The following HNRNPM variants were observed in gnomAD, a reference collection of about 807,000 sequenced individuals.
HNRNPM encodes heterogeneous nuclear ribonucleoprotein M.
HNRNPM carries 11 observed loss-of-function variants against 73.1 expected under a neutral mutation model. The observed-to-expected ratio is 0.15, with a 90% confidence interval of 0.09 to 0.25. The LOEUF (loss-of-function observed/expected upper bound fraction) is 0.25. HNRNPM is among the 10% of genes least tolerant of loss of function. The pLI is 1.00. For missense variants in HNRNPM, 789 were observed against 1,067.9 expected (o/e 0.74, Z 3.64); for synonymous variants, 407 against 355.2 (o/e 1.15, Z -1.64).
chr19:8,468,029 GAAA>G (rs144109185), intron 8 of HNRNPM, among the ~76,000 whole-genome samples: 1 of 150,260 alleles, frequency 6.7e-6, no homozygotes, highest in Non-Finnish European at 1.5e-5. Context: ...TCTGTCTCAA[GAAA>G]AAAAAAGAAG....
chr19:8,484,440 T>G (rs1745514652), intron 13 of HNRNPM, among the ~76,000 whole-genome samples: 1 of 152,222 alleles, frequency 6.6e-6, no homozygotes, highest in African/African-American at 2.4e-5. Flanking sequence ...CCCAAAGTAC[T>G]GGGATTACAG....
intron 6 of HNRNPM, 56 bp from the exon 7 acceptor site, chr19:8,466,179 G>A: frequency 6.6e-7 from 1 of 1,515,734 alleles, no homozygotes; most frequent in Non-Finnish European, 9.0e-7. Context: ...TAGTAAAAAT[G>A]TTGTGTTTCT....
chr19:8,488,391 T>C (rs983027873), intron 15 of HNRNPM: 1 of 291,758 alleles, frequency 3.4e-6, no homozygotes, highest in African/African-American at 2.1e-5. Context: ...ATGAAGACTT[T>C]GTAAAATGTA....
intron 2 of HNRNPM, among the ~76,000 whole-genome samples, chr19:8,456,762 G>A (rs1969055879): frequency 1.3e-5 from 2 of 152,122 alleles, no homozygotes; most frequent in South Asian, 4.1e-4. Context: ...GTACAGTCAC[G>A]CGTGCTGCTC....
At chr19:8,459,915 A>G (rs1181647736) in intron 2 of HNRNPM, among the ~76,000 whole-genome samples, 6 of 152,196 alleles carry the variant, frequency 3.9e-5, no homozygotes, top group Admixed American at 3.9e-4. Context: ...TTAATGTCTT[A>G]GTTTTTTCAA....
chr19:8,450,800 C>T (rs1302905419), intron 1 of HNRNPM, among the ~76,000 whole-genome samples: 1 of 151,396 alleles, frequency 6.6e-6, no homozygotes, highest in Non-Finnish European at 1.5e-5. Context: ...TCTCACTTCA[C>T]TGCAACCTCC....
chr19:8,484,397 G>C (rs946523162), intron 13 of HNRNPM, among the ~76,000 whole-genome samples: 2 of 151,938 alleles, frequency 1.3e-5, no homozygotes, highest in Non-Finnish European at 2.9e-5. Flanking sequence ...GGCTGGTCGC[G>C]AACTCCTGAC....
chr19:8,470,113 G>T (rs543809996), intron 9 of HNRNPM, among the ~76,000 whole-genome samples: 19 of 152,202 alleles, frequency 1.2e-4, no homozygotes, highest in Non-Finnish European at 2.8e-4. Context: ...ACTGCTCCAG[G>T]GAGCCTGTTA....
At chr19:8,454,819 T>A (rs920252478) in intron 1 of HNRNPM, among the ~76,000 whole-genome samples, 2 of 152,114 alleles carry the variant, frequency 1.3e-5, no homozygotes, top group South Asian at 4.1e-4. Context: ...GTCTTGGAAT[T>A]AACACACCTT....
intron 13 of HNRNPM, 87 bp from the exon 14 acceptor site, chr19:8,485,516 T>C (rs1486411090): frequency 3.1e-6 from 4 of 1,307,184 alleles, no homozygotes; most frequent in Non-Finnish European, 4.3e-6. Context: ...CCCTGATCCA[T>C]GCCCATGAGC....
chr19:8,464,445 C>A lies in HNRNPM; in HGVS notation c.438+759C>A, dbSNP rs149843736. On this transcript the variant is annotated intron_variant, in intron 5 of 15. Coordinates refer to ENST00000325495, the MANE Select transcript of HNRNPM (RefSeq NM_005968.5). ...GGTCATGAGTTCAAGACCAGCTTGA[C>A]CAACATGGTGAAACCCTGTCTACTA... is the stretch of plus-strand genomic sequence containing the variant. 3.7e-3 allele frequency among the ~76,000 whole-genome samples: 556 copies of A among 151,968 alleles called. 2 individuals carry two copies. Among genetic ancestry groups the A allele is most frequent in the Non-Finnish European group, 6.1e-3 (412 of 67,972 alleles).
chr19:8,467,875 A>G (rs1969863375), intron 8 of HNRNPM, among the ~76,000 whole-genome samples: 1 of 151,990 alleles, frequency 6.6e-6, no homozygotes, highest in Admixed American at 6.6e-5. Context: ...TAAAAATACA[A>G]AAATTAGCCG....
chr19:8,470,225 A>G (rs1302326885), intron 9 of HNRNPM, among the ~76,000 whole-genome samples: 1 of 152,226 alleles, frequency 6.6e-6, no homozygotes, highest in Non-Finnish European at 1.5e-5. Context: ...TGCTGTTGCT[A>G]TGCAATTAAA....
At chr19:8,467,400 T>C (rs948150543) in intron 7 of HNRNPM, 135 bp from the exon 8 acceptor site, 1 of 656,896 alleles carries the variant, frequency 1.5e-6, no homozygotes, top group Non-Finnish European at 2.7e-6. Context: ...GTTGAAAGTA[T>C]AATGAAGAAT....
At chr19:8,470,268 AG>A (rs1970037596) in intron 9 of HNRNPM, among the ~76,000 whole-genome samples, 1 of 152,192 alleles carries the variant, frequency 6.6e-6, no homozygotes, top group African/African-American at 2.4e-5. Flanking sequence ...ACGCCTGGGA[AG>A]TGGTGGCAGG....
chr19:8,448,041 A>G (rs1599738234), intron 1 of HNRNPM, among the ~76,000 whole-genome samples: 1 of 152,068 alleles, frequency 6.6e-6, no homozygotes, highest in African/African-American at 2.4e-5. Context: ...AAACAAACAA[A>G]CAAGAACACT....
chr19:8,462,725 G>T lies in HNRNPM; in HGVS notation c.336+144G>T, dbSNP rs1260094660. 1 of 728,152 alleles carries T rather than the reference G, an allele frequency of 1.4e-6. No homozygotes were observed. The highest frequency in any genetic ancestry group is 2.4e-6 in the Non-Finnish European group (1 of 411,066). The allele number at this position is 728,152 out of a possible 1,614,324, so 45.1% of individuals were successfully genotyped here. A position where few individuals can be genotyped will look rare whatever the true frequency, so the allele number is the denominator to read the frequency against. ...TTGATTTTGCCAAACATTTGAGTGG[G>T]GTGGGAGGGGATTTGCAAATGGGAG... On this transcript the variant is annotated intron_variant, in intron 3 of 15. Transcript: ENST00000325495. The surrounding 1 kb of genome is among the most constrained non-coding windows in gnomAD (Gnocchi z 4.5).
rs972558142 is a variant in HNRNPM at position 8,445,009 on chromosome 19, G to A, written c.11G>A (p.Gly4Glu). 7.0e-7 allele frequency: 1 copy of A among 1,422,594 alleles called. No individual in the cohort carries two copies. Among genetic ancestry groups the A allele is most frequent in the Non-Finnish European group, 9.2e-7 (1 of 1,090,170 alleles). The allele number at this position is 1,422,594 out of a possible 1,614,324, so 88.1% of individuals were successfully genotyped here. A position where few individuals can be genotyped will look rare whatever the true frequency, so the allele number is the denominator to read the frequency against. ...CCAGACGCGGAGAAAATGGCGGCAG[G>A]GGTCGAAGCGGCGGCGGAGGTGGCG... is the stretch of plus-strand genomic sequence containing the variant. MAA[G>E]VEAAAEVAAT... is the part of the protein sequence containing the mutation. Residue 4 changes from glycine (G) to glutamate (E), a missense_variant, in exon 1 of 16, where the codon GGG (glycine) becomes GAG (glutamate). This residue lies in a region of HNRNPM where 79 missense variants were observed against 70.7 expected (regional missense o/e 1.12). Coordinates refer to ENST00000325495, the MANE Select transcript of HNRNPM (RefSeq NM_005968.5).
intron 1 of HNRNPM, among the ~76,000 whole-genome samples, chr19:8,449,096 G>A (rs1968431816): frequency 6.6e-6 from 1 of 152,184 alleles, no homozygotes; most frequent in Admixed American, 6.5e-5. Context: ...AGTGTTTGCT[G>A]TACTTTAAAG....
Sources: allele counts gnomAD v4.1 joint callset (sites outside exome capture counted in the v4.1 genomes callset), GRCh38; gene constraint gnomAD v4.1.1; regional missense constraint gnomAD v4.1.1; non-coding constraint Gnocchi (gnomAD v3.1); transcripts MANE v1.5; gene names NCBI Gene and HGNC (gene_info 2026-07-23, HGNC 2026-07-21).